Variants in MEIS1 observed in about 807,000 individuals in gnomAD.
MEIS1 encodes Meis homeobox 1.
In MEIS1, 5 loss-of-function variants were observed where a neutral mutation model predicts 50.8. The ratio of observed to expected loss-of-function variants is 0.10; its 90% CI spans 0.05 to 0.21. The LOEUF (loss-of-function observed/expected upper bound fraction) is 0.21. Ranked by LOEUF, MEIS1 falls within the 10% of genes least tolerant of loss-of-function variation. MEIS1 has a pLI of 1.00. For missense variants in MEIS1, 318 were observed against 517.3 expected (o/e 0.61, Z 3.74); for synonymous variants, 176 against 179.3 (o/e 0.98, Z 0.15).
chr2:66,498,315 G>A (rs1243349885), intron 7 of MEIS1, among the ~76,000 whole-genome samples: 1 of 152,100 alleles, frequency 6.6e-6, no homozygotes, highest in Non-Finnish European at 1.5e-5. Context: ...CTATTACTAG[G>A]TTCATTGTTT....
rs1405505192 is a variant in MEIS1, at chr2:66,439,536, A to G, written c.240-307A>G. The G allele has an allele frequency of 7.3e-6, 11 of 1,500,208 alleles. No individual in the cohort carries two copies. In the African/African-American group the frequency reaches 8.4e-5, roughly 11 times the overall value. The allele number at this position is 1,500,208 out of a possible 1,614,324, so 92.9% of individuals were successfully genotyped here. A position where few individuals can be genotyped will look rare whatever the true frequency, so the allele number is the denominator to read the frequency against. On this transcript the variant is annotated intron_variant, in intron 2 of 12. Coordinates refer to ENST00000272369, the MANE Select transcript of MEIS1 (RefSeq NM_002398.3). Reference sequence around the variant, plus strand: ...CTTGTCGGGTGGGAAACTTAATTCAAAATGGCTGCTGGAAACGCTTGGGTT... The same window carrying G: ...CTTGTCGGGTGGGAAACTTAATTCAGAATGGCTGCTGGAAACGCTTGGGTT...
intron 7 of MEIS1, among the ~76,000 whole-genome samples, chr2:66,467,872 A>T (rs563887424): frequency 6.6e-6 from 1 of 152,238 alleles, no homozygotes; most frequent in African/African-American, 2.4e-5. Context: ...AGGGCCTCAC[A>T]TCTGTGTTTG....
intron 5 of MEIS1, 48 bp downstream of exon 5, chr2:66,441,512 C>T: frequency 7.1e-7 from 1 of 1,411,540 alleles, no homozygotes; most frequent in Non-Finnish European, 9.6e-7. Flanking sequence ...TACCCCCAAA[C>T]ACACAGGGGG....
chr2:66,547,462 T>C (rs2103929569), intron 8 of MEIS1, among the ~76,000 whole-genome samples: 1 of 152,200 alleles, frequency 6.6e-6, no homozygotes, highest in East Asian at 1.9e-4. Context: ...TAGCACCCAC[T>C]TTAGATTTGA....
At chr2:66,549,764 C>A (rs560142752) in intron 9 of MEIS1, among the ~76,000 whole-genome samples, 1 of 152,084 alleles carries the variant, frequency 6.6e-6, no homozygotes, top group East Asian at 1.9e-4. Flanking sequence ...GGGGATCTAT[C>A]CTGTGAGCCA....
intron 1 of MEIS1, chr2:66,436,747 T>A (rs1671806277): frequency 1.5e-5 from 6 of 397,210 alleles, no homozygotes; most frequent in Non-Finnish European, 2.0e-5. Context: ...CTCCTTTCTT[T>A]GAAAATCATT....
intron 9 of MEIS1, among the ~76,000 whole-genome samples, chr2:66,558,514 C>G (rs1203169404): frequency 6.6e-6 from 1 of 151,988 alleles, no homozygotes; most frequent in Non-Finnish European, 1.5e-5. Context: ...TTTTAAAGGT[C>G]TACAGGTTAC....
intron 7 of MEIS1, among the ~76,000 whole-genome samples, chr2:66,483,617 G>A (rs970046891): frequency 6.6e-4 from 101 of 152,168 alleles, no homozygotes; most frequent in Non-Finnish European, 3.2e-4. Context: ...CAGTGATGAG[G>A]AAGTGAATGG....
intron 8 of MEIS1, among the ~76,000 whole-genome samples, chr2:66,542,262 A>G (rs923822407): frequency 1.3e-5 from 2 of 152,322 alleles, no homozygotes; most frequent in South Asian, 4.1e-4. Flanking sequence ...GAGATCTAAT[A>G]GTTAAAAACC....
intron 7 of MEIS1, among the ~76,000 whole-genome samples, chr2:66,502,172 A>T (rs1225972600): frequency 6.6e-6 from 1 of 152,218 alleles, no homozygotes; most frequent in African/African-American, 2.4e-5. Flanking sequence ...ACATCCACAG[A>T]ACTCATTTAC....
chr2:66,566,951 C>G (rs1000189726), intron 9 of MEIS1, among the ~76,000 whole-genome samples: 1 of 152,060 alleles, frequency 6.6e-6, no homozygotes, highest in African/African-American at 2.4e-5. Flanking sequence ...TGCTGCCATC[C>G]CAGTTCATTA....
At chr2:66,535,343 A>G (rs1222986869) in intron 8 of MEIS1, among the ~76,000 whole-genome samples, 3 of 152,190 alleles carry the variant, frequency 2.0e-5, no homozygotes, top group Non-Finnish European at 2.9e-5. Context: ...ATGTAAAGCT[A>G]TATACAAATA....
At chr2:66,541,206 T>G (rs1674644604) in intron 8 of MEIS1, among the ~76,000 whole-genome samples, 1 of 151,852 alleles carries the variant, frequency 6.6e-6, no homozygotes, top group African/African-American at 2.4e-5. Context: ...CCCAGCTAAT[T>G]TTTTGTATTT....
At chr2:66,540,904 G>A (rs563674071) in intron 8 of MEIS1, among the ~76,000 whole-genome samples, 66 of 152,068 alleles carry the variant, frequency 4.3e-4, no homozygotes, top group African/African-American at 1.4e-3. Flanking sequence ...AAAGGACTAT[G>A]CAGTTTCTTA....
chr2:66,454,545 C>T (rs556936901), intron 6 of MEIS1, among the ~76,000 whole-genome samples: 127 of 152,006 alleles, frequency 8.4e-4, no homozygotes, highest in Non-Finnish European at 9.7e-4. Context: ...TTGTTGCTTT[C>T]GGGATGTTAT....
chr2:66,528,958 C>T (rs902176876), intron 8 of MEIS1, among the ~76,000 whole-genome samples: 2 of 152,130 alleles, frequency 1.3e-5, no homozygotes, highest in African/African-American at 4.8e-5. Context: ...GCTTACAGCT[C>T]CCCATCAGTG....
At chr2:66,567,261 T>C (rs1478185572) in intron 9 of MEIS1, among the ~76,000 whole-genome samples, 192 bp from the exon 10 acceptor site, 3 of 152,178 alleles carry the variant, frequency 2.0e-5, no homozygotes, top group Non-Finnish European at 2.9e-5. Context: ...CCCAAGCCTG[T>C]GTACTCAAAG....
chr2:66,527,590 AAGTGTGTG>A (rs1367375484), intron 8 of MEIS1, among the ~76,000 whole-genome samples: 19 of 97,822 alleles, frequency 1.9e-4, no homozygotes, highest in African/African-American at 7.4e-4. Flanking sequence ...CAGTAAAAGC[AAGTGTGTG>A]TGTGTGTGTG....
chr2:66,492,443 T>C (rs1673295713), intron 7 of MEIS1, among the ~76,000 whole-genome samples: 1 of 152,162 alleles, frequency 6.6e-6, no homozygotes, highest in Non-Finnish European at 1.5e-5. Context: ...TGCACTGAAC[T>C]CAGCACACAC....
Sources: gnomAD v4.1 joint callset for allele counts (sites outside exome capture counted in the v4.1 genomes callset) on GRCh38, gnomAD v4.1.1 for gene constraint, MANE v1.5 for transcripts, NCBI Gene and HGNC (gene_info 2026-07-23, HGNC 2026-07-21) for gene names.